Variants in TEX51 observed in about 807,000 individuals in gnomAD.
TEX51 encodes testis expressed 51.
A neutral mutation model predicts 8.0 loss-of-function variants in TEX51; 14 were observed. That is an observed-to-expected ratio of 1.76 (90% CI 1.16 to 2.75). The LOEUF is 2.75. TEX51 is among the 30% of genes most tolerant of loss of function. TEX51 has a pLI of 0.00. For missense variants in TEX51, 142 were observed against 77.4 expected (o/e 1.83, Z -3.13); for synonymous variants, 58 against 28.6 (o/e 2.03, Z -3.29).
At position 126,900,020 on chromosome 2, in the gene TEX51, G is replaced by C. The variant is rs571512765; in HGVS notation, c.394+1G>C. 8.6e-6 allele frequency: 6 copies of C among 700,462 alleles called. No homozygotes were observed. In the East Asian group the frequency reaches 1.6e-4, roughly 19 times the overall value. The allele number at this position is 700,462 out of a possible 1,614,324, so 43.4% of individuals were successfully genotyped here. On this transcript the variant is annotated splice_donor_variant, in intron 4 of 6. Coordinates refer to ENST00000568484, the MANE Select transcript of TEX51 (RefSeq NM_001322244.2). LOFTEE classifies it high-confidence loss of function. The stretch of plus-strand genomic sequence containing the variant: ...TGCAATGACCCCACTTTCTGCCCAG[G>C]TCAGTGGCCACCACCCTGTCCAGCC...
intron 6 of TEX51, 153 bp downstream of exon 6, chr2:126,901,557 G>A: frequency 1.6e-6 from 1 of 612,806 alleles, no homozygotes; most frequent in East Asian, 2.7e-5. Context: ...ACTCTCAGGA[G>A]TGCCACTCAT....
At chr2:126,901,668 A>G in intron 6 of TEX51, 1 of 592,680 alleles carries the variant, frequency 1.7e-6, no homozygotes, top group South Asian at 2.1e-5. Flanking sequence ...TCTTCCTCCC[A>G]GCTGTCCCTG....
At position 126,899,209 on chromosome 2, in the gene TEX51, A is replaced by T; in HGVS notation, c.146-8A>T. On this transcript the variant is annotated splice_region_variant and splice_polypyrimidine_tract_variant and intron_variant, in intron 1 of 6. Coordinates refer to ENST00000568484, the MANE Select transcript of TEX51 (RefSeq NM_001322244.2). ...TTGACTTCCCTTTGACCTGTATCTC[A>T]TCCTCAGATCGTGACCATTTGGAAG... is the stretch of plus-strand genomic sequence containing the variant. The T allele has an allele frequency of 1.4e-6, 1 of 702,128 alleles. No individual in the cohort carries two copies. Among genetic ancestry groups the T allele is most frequent in the East Asian group, 2.7e-5 (1 of 37,264 alleles). The allele number at this position is 702,128 out of a possible 1,614,324, so 43.5% of individuals were successfully genotyped here.
intron 6 of TEX51, 39 bp from the exon 7 acceptor site, chr2:126,901,833 G>A (rs11675657): frequency 0.079 from 45,874 of 581,988 alleles, 2,190 homozygotes; most frequent in Middle Eastern, 0.13. Context: ...AGTAGTGGGA[G>A]GTCAGGGTAG....
At chr2:126,900,544 G>A (rs761072098) in intron 4 of TEX51, among the ~76,000 whole-genome samples, 2 of 152,018 alleles carry the variant, frequency 1.3e-5, no homozygotes, top group Non-Finnish European at 2.9e-5. Flanking sequence ...CCTCCACTTA[G>A]CACGGAGAAT....
Position 126,899,280 on chromosome 2 carries a change from C to T in TEX51, c.209C>T (p.Thr70Met), listed in dbSNP as rs75194855. ...ACTCAAGTACACCAAGCCATTAAAA[C>T]GTTACGAGATGGTGAGGAAGCCAAG... ...FFTQVHQAIK[T>M]LRDDKTVLLE... The change falls in exon 2 of 7, where the codon ACG becomes ATG. Residue 70 changes from threonine to methionine, a missense_variant. Thr to Met is a moderately conservative substitution (Grantham distance 81). Transcript: ENST00000568484. 12 of 701,980 alleles carry T rather than the reference C, an allele frequency of 1.7e-5. No individual in the cohort carries two copies. Among genetic ancestry groups the T allele is most frequent in the South Asian group, 4.4e-5 (3 of 67,574 alleles). 43.5% of individuals were successfully genotyped at this position (701,980 alleles called of 1,614,324 possible). A position where few individuals can be genotyped will look rare whatever the true frequency, so the allele number is the denominator to read the frequency against.
Position 126,901,205 on chromosome 2 carries a change from C to T in TEX51, c.395-5C>T, listed in dbSNP as rs1231577664. On this transcript the variant is annotated splice_region_variant and splice_polypyrimidine_tract_variant and intron_variant, in intron 4 of 6. Transcript: ENST00000568484. ...AAACACCTGGCTTCCTCTTTCACAC[C>T]CCAGCCAGGAACCGGCGGACCTCCC... The T allele has an allele frequency of 1.6e-6, 1 of 643,826 alleles. No individual in the cohort carries two copies. Among genetic ancestry groups the T allele is most frequent in the South Asian group, 1.7e-5 (1 of 57,508 alleles). The allele number at this position is 643,826 out of a possible 1,614,324, so 39.9% of individuals were successfully genotyped here. A position where few individuals can be genotyped will look rare whatever the true frequency, so the allele number is the denominator to read the frequency against.
chr2:126,901,656 G>T, intron 6 of TEX51: 2 of 593,504 alleles, frequency 3.4e-6, no homozygotes, highest in Non-Finnish European at 6.0e-6. Context: ...ACTACAGAGT[G>T]CTCTTCCTCC....
intron 4 of TEX51, among the ~76,000 whole-genome samples, 175 bp downstream of exon 4, chr2:126,900,194 G>T (rs13401458): frequency 0.064 from 9,676 of 152,038 alleles, 451 homozygotes; most frequent in African/African-American, 0.12. Flanking sequence ...AAGCTCCAGA[G>T]CCCCTTGGAG....
At chr2:126,901,799 T>G in intron 6 of TEX51, 73 bp from the exon 7 acceptor site, 1 of 566,046 alleles carries the variant, frequency 1.8e-6, no homozygotes, top group Non-Finnish European at 3.1e-6. Flanking sequence ...CAGGAGGAAG[T>G]TAGAGAGACA....
In TEX51 at chr2:126,901,968, C is replaced by T. The variant is rs953769873; in HGVS notation, c.*99C>T. 19 of 647,394 alleles carry T rather than the reference C, an allele frequency of 2.9e-5. No individual in the cohort carries two copies. The highest frequency in any genetic ancestry group is 5.0e-5 in the Non-Finnish European group (18 of 357,864). The allele number at this position is 647,394 out of a possible 1,614,324, so 40.1% of individuals were successfully genotyped here. ...TCTCTGGGTCCCGGTGACCCCATCC[C>T]CCCATACCCTCCATCCTGGGTCCTG... is the stretch of plus-strand genomic sequence containing the variant. On this transcript the variant is annotated 3_prime_UTR_variant, in exon 7 of 7. Transcript: ENST00000568484.
intron 6 of TEX51, 180 bp downstream of exon 6, chr2:126,901,584 A>C (rs1680333863): frequency 1.7e-6 from 1 of 604,120 alleles, no homozygotes; most frequent in Middle Eastern, 4.2e-4. Flanking sequence ...CCATATATGC[A>C]GACATATTGG....
rs1177848967 is a variant in TEX51, at chr2:126,902,060, TAA to T, written c.*193_*194del. 1.1e-5 allele frequency: 5 copies of T among 461,368 alleles called. No individual in the cohort carries two copies. Among genetic ancestry groups the T allele is most frequent in the African/African-American group, 8.1e-5 (4 of 49,104 alleles). The allele number at this position is 461,368 out of a possible 1,614,324, so 28.6% of individuals were successfully genotyped here. On this transcript the variant is annotated 3_prime_UTR_variant, in exon 7 of 7. Transcript: ENST00000568484. ...TGGTTTGCCTACTCCTACACCTTTG[TAA>T]AGAGTCTCTTCATTAAAACCCCTCT...
rs1296024455 is a variant in TEX51 at position 126,901,942 on chromosome 2, A to G, written c.*73A>G. ...GCTACCACCGTCACAAAGTTCACTC[A>G]TCTCTGGGTCCCGGTGACCCCATCC... is the stretch of plus-strand genomic sequence containing the variant. On this transcript the variant is annotated 3_prime_UTR_variant, in exon 7 of 7. Coordinates refer to ENST00000568484, the MANE Select transcript of TEX51 (RefSeq NM_001322244.2). 1.5e-6 allele frequency: 1 copy of G among 670,708 alleles called. No homozygotes were observed. The highest frequency in any genetic ancestry group is 2.2e-5 in the Admixed American group (1 of 46,284). The allele number at this position is 670,708 out of a possible 1,614,324, so 41.5% of individuals were successfully genotyped here.
Position 126,901,895 on chromosome 2 carries a change from C to T in TEX51, c.*26C>T. The stretch of plus-strand genomic sequence containing the variant: ...AGGAACAGGGCAGCCCGCATGTCTT[C>T]CAGAAGTGAACAGAGGCCGCAGCTA... On this transcript the variant is annotated 3_prime_UTR_variant, in exon 7 of 7. Coordinates refer to ENST00000568484, the MANE Select transcript of TEX51 (RefSeq NM_001322244.2). 2 of 655,566 alleles carry T rather than the reference C, an allele frequency of 3.1e-6. No homozygotes were observed. Among genetic ancestry groups the T allele is most frequent in the South Asian group, 1.7e-5 (1 of 60,120 alleles). The allele number at this position is 655,566 out of a possible 1,614,324, so 40.6% of individuals were successfully genotyped here. A position where few individuals can be genotyped will look rare whatever the true frequency, so the allele number is the denominator to read the frequency against.
At chr2:126,900,782 C>T (rs1680288465) in intron 4 of TEX51, among the ~76,000 whole-genome samples, 1 of 152,208 alleles carries the variant, frequency 6.6e-6, no homozygotes, top group Admixed American at 6.5e-5. Flanking sequence ...AGAAAGCCCA[C>T]CCTCCTCGGG....
chr2:126,899,229 T>C lies in TEX51; in HGVS notation c.158T>C (p.Leu53Ser). Reference sequence around the variant, plus strand: ...ATCTCATCCTCAGATCGTGACCATTTGGAAGAAGAAACAGCCAAATTCTTC... The same window carrying C: ...ATCTCATCCTCAGATCGTGACCATTCGGAAGAAGAAACAGCCAAATTCTTC... ...PTELSQNRDH[L>S]EEETAKFFTQ... Residue 53 changes from leucine (L) to serine (S), a missense_variant, in exon 2 of 7, where the codon TTG becomes TCG. Coordinates refer to ENST00000568484, the MANE Select transcript of TEX51 (RefSeq NM_001322244.2). 2 of 702,236 alleles carry C rather than the reference T, an allele frequency of 2.8e-6. No individual in the cohort carries two copies. The highest frequency in any genetic ancestry group is 3.0e-5 in the South Asian group (2 of 67,574). The allele number at this position is 702,236 out of a possible 1,614,324, so 43.5% of individuals were successfully genotyped here.
Position 126,901,970 on chromosome 2 carries a change from C to A in TEX51, c.*101C>A, listed in dbSNP as rs1680356994. On this transcript the variant is annotated 3_prime_UTR_variant, in exon 7 of 7. Transcript: ENST00000568484. ...TCTGGGTCCCGGTGACCCCATCCCC[C>A]CATACCCTCCATCCTGGGTCCTGGG... 4.7e-6 allele frequency: 3 copies of A among 642,432 alleles called. No individual in the cohort carries two copies. The highest frequency in any genetic ancestry group is 8.4e-6 in the Non-Finnish European group (3 of 355,582). The allele number at this position is 642,432 out of a possible 1,614,324, so 39.8% of individuals were successfully genotyped here. A position where few individuals can be genotyped will look rare whatever the true frequency, so the allele number is the denominator to read the frequency against.
In TEX51 at chr2:126,899,243, G is replaced by A. The variant is rs1220904284; in HGVS notation, c.172G>A (p.Ala58Thr). The change falls in exon 2 of 7, where the codon GCC becomes ACC. Residue 58 changes from alanine (A) to threonine (T), a missense_variant. Physicochemically the swap from Ala to Thr is moderately conservative, Grantham distance 58. Transcript: ENST00000568484. ...QNRDHLEEETAKFFTQVHQAI... is the reference protein window; with the variant it reads ...QNRDHLEEETTKFFTQVHQAI... Reference sequence around the variant, plus strand: ...TCGTGACCATTTGGAAGAAGAAACAGCCAAATTCTTCACTCAAGTACACCA... The same window carrying A: ...TCGTGACCATTTGGAAGAAGAAACAACCAAATTCTTCACTCAAGTACACCA... 2.4e-5 allele frequency: 17 copies of A among 702,048 alleles called. No individual in the cohort carries two copies. The highest frequency in any genetic ancestry group is 1.0e-4 in the Admixed American group (5 of 49,958). The allele number at this position is 702,048 out of a possible 1,614,324, so 43.5% of individuals were successfully genotyped here.
Sources: gnomAD v4.1 joint callset for allele counts (sites outside exome capture counted in the v4.1 genomes callset) on GRCh38, gnomAD v4.1.1 for gene constraint, MANE v1.5 for transcripts, NCBI Gene and HGNC (gene_info 2026-07-23, HGNC 2026-07-21) for gene names.